GALNTL6: variants seen among roughly 807,000 people sequenced by gnomAD.
GALNTL6 encodes polypeptide N-acetylgalactosaminyltransferase like 6, also known as polypeptide N-acetylgalactosaminyltransferase-like 6.
In GALNTL6, 46 loss-of-function variants were observed where a neutral mutation model predicts 73.7. The ratio of observed to expected loss-of-function variants is 0.62; its 90% CI spans 0.49 to 0.80. GALNTL6 has a LOEUF of 0.80. GALNTL6 is among the 30% of genes least tolerant of loss of function. The pLI is 0.00. For missense variants in GALNTL6, 604 were observed against 755.0 expected (o/e 0.80, Z 2.34); for synonymous variants, 259 against 263.7 (o/e 0.98, Z 0.17).
chr4:172,905,783 A>AGAAAAGACTT (rs1746852261), intron 8 of GALNTL6, among the ~76,000 whole-genome samples: 1 of 146,206 alleles, frequency 6.8e-6, no homozygotes, highest in Non-Finnish European at 1.5e-5. Flanking sequence ...TTTAAGATGG[A>AGAAAAGACTT]AAAGAAAGAC....
Position 173,040,439 on chromosome 4 carries a change from C to A in GALNTL6, c.*339C>A. 1 of 231,058 alleles carries A rather than the reference C, an allele frequency of 4.3e-6. No individual in the cohort carries two copies. Among genetic ancestry groups the A allele is most frequent in the Non-Finnish European group, 8.4e-6 (1 of 118,684 alleles). 14.3% of individuals were successfully genotyped at this position (231,058 alleles called of 1,614,324 possible). A position where few individuals can be genotyped will look rare whatever the true frequency, so the allele number is the denominator to read the frequency against. ...CAGTAGTGAGTAGCTATGAATGGAT[C>A]CTATTAACTGGGTGGGAGGGGGGTG... On this transcript the variant is annotated 3_prime_UTR_variant, in exon 13 of 13. Coordinates refer to ENST00000506823, the MANE Select transcript of GALNTL6 (RefSeq NM_001034845.3).
At chr4:172,154,797 T>G (rs562551492) in intron 2 of GALNTL6, among the ~76,000 whole-genome samples, 1 of 152,210 alleles carries the variant, frequency 6.6e-6, no homozygotes, top group Non-Finnish European at 1.5e-5. Flanking sequence ...AGCTGGAATC[T>G]TGAGGAAGAA....
intron 10 of GALNTL6, among the ~76,000 whole-genome samples, chr4:173,007,052 G>A (rs556571805): frequency 1.3e-5 from 2 of 152,264 alleles, no homozygotes; most frequent in South Asian, 4.1e-4. Flanking sequence ...CCACCACATT[G>A]ATTCCCTCCT....
intron 2 of GALNTL6, among the ~76,000 whole-genome samples, chr4:172,210,747 A>G (rs1736297187): frequency 6.6e-6 from 1 of 152,282 alleles, no homozygotes; most frequent in African/African-American, 2.4e-5. Context: ...TGATGCTAAC[A>G]CTTAAGGAAT....
chr4:172,235,326 G>A (rs983486195), intron 3 of GALNTL6, among the ~76,000 whole-genome samples: 2 of 152,008 alleles, frequency 1.3e-5, no homozygotes, highest in African/African-American at 4.8e-5. Flanking sequence ...TCCTGCCTCA[G>A]CCTCCCGAGG....
In GALNTL6 at chr4:172,745,242, A is replaced by G. The variant is rs1055002005; in HGVS notation, c.554-64119A>G. 6.6e-5 allele frequency among the ~76,000 whole-genome samples: 10 copies of G among 151,894 alleles called. 1 individual carries two copies. The highest frequency in any genetic ancestry group is 2.4e-4 in the African/African-American group (10 of 41,388). ...AAAAGAAGATAAAGAGGATATGGTA[A>G]GAGGATTTATACAAGCATTGAAAAG... On this transcript the variant is annotated intron_variant, in intron 5 of 12. Transcript: ENST00000506823.
chr4:171,847,726 C>G (rs1735412260), intron 2 of GALNTL6, among the ~76,000 whole-genome samples: 1 of 152,138 alleles, frequency 6.6e-6, no homozygotes, highest in Admixed American at 6.6e-5. Context: ...CTCTGCTCAA[C>G]TCCTCATCCC....
intron 2 of GALNTL6, among the ~76,000 whole-genome samples, chr4:172,085,509 G>A (rs1362015649): frequency 1.3e-5 from 2 of 151,722 alleles, no homozygotes; most frequent in Admixed American, 6.6e-5. Context: ...GCAACATGGA[G>A]AAAGCCTCTC....
intron 8 of GALNTL6, among the ~76,000 whole-genome samples, chr4:172,897,279 G>A (rs1010972747): frequency 1.3e-5 from 2 of 151,802 alleles, no homozygotes; most frequent in South Asian, 4.2e-4. Flanking sequence ...TTTAGAGCTG[G>A]GAGTAGGCCC....
chr4:172,607,386 C>G (rs992814263), intron 5 of GALNTL6, among the ~76,000 whole-genome samples: 1 of 152,008 alleles, frequency 6.6e-6, no homozygotes, highest in Admixed American at 6.6e-5. Context: ...TAAGTGAAAA[C>G]ATACGGTATT....
intron 2 of GALNTL6, among the ~76,000 whole-genome samples, chr4:172,171,869 G>A (rs917441507): frequency 6.6e-6 from 1 of 152,094 alleles, no homozygotes; most frequent in Non-Finnish European, 1.5e-5. Flanking sequence ...TCTGAACAGG[G>A]CAGTATTGGA....
intron 5 of GALNTL6, among the ~76,000 whole-genome samples, chr4:172,404,821 A>AG (rs1331449865): frequency 6.6e-6 from 1 of 152,076 alleles, no homozygotes; most frequent in East Asian, 1.9e-4. Flanking sequence ...AAATCATACG[A>AG]GAGTTTCTCT....
At chr4:172,380,237 C>T in intron 5 of GALNTL6, 1 of 912,020 alleles carries the variant, frequency 1.1e-6, no homozygotes, top group Non-Finnish European at 1.8e-6. Flanking sequence ...ACGTATTCTC[C>T]CCAACTTGTC....
At chr4:172,678,956 C>G (rs1156254028) in intron 5 of GALNTL6, among the ~76,000 whole-genome samples, 1 of 152,188 alleles carries the variant, frequency 6.6e-6, no homozygotes, top group Non-Finnish European at 1.5e-5. Context: ...GGTACAACTA[C>G]TCAATTTGTC....
At chr4:172,626,249 T>A (rs902972146) in intron 5 of GALNTL6, among the ~76,000 whole-genome samples, 1 of 152,136 alleles carries the variant, frequency 6.6e-6, no homozygotes, top group African/African-American at 2.4e-5. Context: ...TAGCCAGCTA[T>A]CCCAGCAACA....
At chr4:172,340,190 T>G (rs1741512294) in intron 4 of GALNTL6, among the ~76,000 whole-genome samples, 1 of 152,292 alleles carries the variant, frequency 6.6e-6, no homozygotes, top group Admixed American at 6.5e-5. Context: ...TTTGTGAGAG[T>G]CTTTAACTTA....
At chr4:171,874,348 C>T (rs1405616608) in intron 2 of GALNTL6, among the ~76,000 whole-genome samples, 1 of 152,022 alleles carries the variant, frequency 6.6e-6, no homozygotes, top group Non-Finnish European at 1.5e-5. Context: ...CCCCACCATG[C>T]CAGGCTAATT....
rs568659359 is a variant in GALNTL6 at position 173,012,332 on chromosome 4, C to T, written c.1488+3038C>T. On this transcript the variant is annotated intron_variant, in intron 11 of 12. Coordinates refer to ENST00000506823, the MANE Select transcript of GALNTL6 (RefSeq NM_001034845.3). ...CAGATGTGTTGAGATTCACCTCCCT[C>T]GCCCCACCTCACTGCCCCTCCCTGC... Among the ~76,000 whole-genome samples, 63 of 152,238 alleles carry T rather than the reference C, an allele frequency of 4.1e-4. 1 individual carries two copies. Among genetic ancestry groups the T allele is most frequent in the Non-Finnish European group, 7.5e-4 (51 of 68,026 alleles).
At chr4:172,118,660 A>G (rs1733054519) in intron 2 of GALNTL6, among the ~76,000 whole-genome samples, 1 of 152,008 alleles carries the variant, frequency 6.6e-6, no homozygotes. Flanking sequence ...AGATTGTGCC[A>G]CTGCACCCCA....
Sources: gnomAD v4.1 joint callset for allele counts (sites outside exome capture counted in the v4.1 genomes callset) on GRCh38, gnomAD v4.1.1 for gene constraint, MANE v1.5 for transcripts, NCBI Gene and HGNC (gene_info 2026-07-23, HGNC 2026-07-21) for gene names.